Variants in ERCC6L2 observed in about 807,000 individuals in gnomAD.
The protein encoded by ERCC6L2 is ERCC excision repair 6 like 2, also known as DNA excision repair protein ERCC-6-like 2.
A neutral mutation model predicts 132.0 loss-of-function variants in ERCC6L2; 77 were observed. The observed-to-expected ratio is 0.58, with a 90% CI of 0.49 to 0.71. ERCC6L2 has a LOEUF of 0.71. Among genes scored for constraint, ERCC6L2 ranks in the 30% least tolerant of loss-of-function variants. ERCC6L2 has a pLI of 0.00. For missense variants in ERCC6L2, 1,542 were observed against 1,837.6 expected, an observed-to-expected ratio of 0.84 and a Z score of 2.94; for synonymous variants, 583 against 632.4, an observed-to-expected ratio of 0.92 and a Z score of 1.17.
At position 95,921,233 on chromosome 9, in the gene ERCC6L2, C is replaced by G. The variant is rs1829855430; in HGVS notation, c.1217C>G (p.Thr406Arg). ...GCTGTCTATCAAACAGTGTTAGAAACAGAGGACGTGACTTTGATACTTCAA... is the reference window on the plus strand; with the variant it reads ...GCTGTCTATCAAACAGTGTTAGAAAGAGAGGACGTGACTTTGATACTTCAA... The part of the protein sequence containing the change: ...QKAVYQTVLE[T>R]EDVTLILQSS... Residue 406 changes from threonine (T) to arginine (R), a missense_variant, in exon 7 of 19, where the codon ACA (threonine) becomes AGA (arginine). Around this residue, in one of 4 missense-constraint regions of ERCC6L2, gnomAD observed 945 missense variants for 1,105.2 expected, o/e 0.86. Transcript: ENST00000653738. 6 of 1,613,368 alleles carry G rather than the reference C, an allele frequency of 3.7e-6. No individual in the cohort carries two copies. Among genetic ancestry groups the G allele is most frequent in the African/African-American group, 2.7e-5 (2 of 75,026 alleles).
chr9:95,902,032 T>C (rs1202086219), intron 3 of ERCC6L2, among the ~76,000 whole-genome samples: 1 of 152,176 alleles, frequency 6.6e-6, no homozygotes, highest in Non-Finnish European at 1.5e-5. Context: ...TTGAAGCTTG[T>C]TGAAGAAAGC....
chr9:96,039,150 G>A (rs1000707118), intron 20 of ERCC6L2, among the ~76,000 whole-genome samples: 1 of 152,224 alleles, frequency 6.6e-6, no homozygotes, highest in African/African-American at 2.4e-5. Context: ...GTGCTTGTCG[G>A]CTTAAGCTGT....
intron 19 of ERCC6L2, among the ~76,000 whole-genome samples, chr9:96,038,087 A>G (rs1440937959): frequency 6.6e-6 from 1 of 152,118 alleles, no homozygotes; most frequent in Non-Finnish European, 1.5e-5. Flanking sequence ...GTTCTGCTGC[A>G]GAGTCAGGAG....
Position 96,010,242 on chromosome 9 carries a change from C to T in ERCC6L2, c.3675-1983C>T, listed in dbSNP as rs372427311. Among the ~76,000 whole-genome samples, 87 of 152,142 alleles carry T rather than the reference C, an allele frequency of 5.7e-4. 1 individual carries two copies. Among genetic ancestry groups the T allele is most frequent in the Admixed American group, 7.8e-4 (12 of 15,294 alleles). On this transcript the variant is annotated intron_variant, in intron 18 of 18. Coordinates refer to ENST00000653738, the MANE Select transcript of ERCC6L2 (RefSeq NM_020207.7). ...TCAAGCATGTATAGTATCTGGATTT[C>T]GGGAAGTTAACAAGACAGTGTAGTG...
chr9:95,997,757 C>T (rs1326804463), intron 17 of ERCC6L2, among the ~76,000 whole-genome samples: 3 of 152,140 alleles, frequency 2.0e-5, no homozygotes, highest in Admixed American at 6.5e-5. Flanking sequence ...GCTGTTTCAT[C>T]GTGTTGCCAC....
At position 96,004,713 on chromosome 9, in the gene ERCC6L2, C is replaced by T. The variant is rs1284399309; in HGVS notation, c.3674+12C>T. 2 of 1,308,482 alleles carry T rather than the reference C, an allele frequency of 1.5e-6. No homozygotes were observed. The highest frequency in any genetic ancestry group is 2.0e-6 in the Non-Finnish European group (2 of 982,694). 81.1% of individuals were successfully genotyped at this position (1,308,482 alleles called of 1,614,324 possible). A position where few individuals can be genotyped will look rare whatever the true frequency, so the allele number is the denominator to read the frequency against. On this transcript the variant is annotated intron_variant, in intron 18 of 18. Transcript: ENST00000653738. ...AAAGGAATCCGCAGGTATATTGTCT[C>T]TGACAATACTATACTTGAAGAATAA...
chr9:96,036,820 G>A (rs1259631536), intron 19 of ERCC6L2, among the ~76,000 whole-genome samples: 1 of 145,438 alleles, frequency 6.9e-6, no homozygotes, highest in Admixed American at 6.9e-5. Context: ...AGGCTGGAGT[G>A]CAGTGGCGGG....
chr9:95,997,494 G>A (rs1448431871), intron 17 of ERCC6L2, among the ~76,000 whole-genome samples: 3 of 152,218 alleles, frequency 2.0e-5, no homozygotes, highest in Non-Finnish European at 2.9e-5. Context: ...TGTGAACATT[G>A]TTGAAATAGC....
intron 17 of ERCC6L2, among the ~76,000 whole-genome samples, chr9:96,000,752 A>G (rs1432455094): frequency 6.6e-6 from 1 of 152,184 alleles, no homozygotes; most frequent in East Asian, 1.9e-4. Context: ...ACCTATGCCA[A>G]TCTGGGCGAC....
Position 95,901,318 on chromosome 9 carries a change from T to G in ERCC6L2, c.594+3347T>G, listed in dbSNP as rs689627. On this transcript the variant is annotated intron_variant, in intron 3 of 18. Coordinates refer to ENST00000653738, the MANE Select transcript of ERCC6L2 (RefSeq NM_020207.7). ...AAGGACTTTTTTAATTGATGAAATT[T>G]GGAAATTTCCATGAGCCCTAACACT... Among the ~76,000 whole-genome samples the G allele has an allele frequency of 7.6e-3, 1,148 of 151,854 alleles. 23 individuals are homozygous for G. The highest frequency in any genetic ancestry group is 0.027 in the African/African-American group (1,115 of 41,376).
intron 17 of ERCC6L2, among the ~76,000 whole-genome samples, chr9:96,001,422 G>A (rs1833674138): frequency 6.6e-6 from 1 of 152,198 alleles, no homozygotes; most frequent in Admixed American, 6.5e-5. Context: ...GTCCCCATCA[G>A]ATTAGTTAGA....
intron 2 of ERCC6L2, among the ~76,000 whole-genome samples, chr9:95,891,977 T>A (rs1432912427): frequency 6.6e-6 from 1 of 152,208 alleles, no homozygotes; most frequent in Non-Finnish European, 1.5e-5. Context: ...AAATATTTTC[T>A]CTCATTCTAT....
chr9:95,909,527 T>C (rs561166633), intron 4 of ERCC6L2, among the ~76,000 whole-genome samples: 1 of 152,222 alleles, frequency 6.6e-6, no homozygotes, highest in African/African-American at 2.4e-5. Context: ...TTTAAGCTAT[T>C]ACGGAGCATG....
At chr9:95,876,414 C>A in intron 1 of ERCC6L2, 2 of 298,374 alleles carry the variant, frequency 6.7e-6, no homozygotes, top group Non-Finnish European at 1.2e-5. Context: ...ATTTATGTGA[C>A]CCCGCGTGTG....
chr9:95,972,227 T>C lies in ERCC6L2; in HGVS notation c.2476T>C (p.Cys826Arg). 6.1e-6 allele frequency: 8 copies of C among 1,304,242 alleles called. No homozygotes were observed. Among genetic ancestry groups the C allele is most frequent in the Non-Finnish European group, 8.1e-6 (8 of 988,928 alleles). 80.8% of individuals were successfully genotyped at this position (1,304,242 alleles called of 1,614,324 possible). A position where few individuals can be genotyped will look rare whatever the true frequency, so the allele number is the denominator to read the frequency against. The change falls in exon 16 of 19, where the codon TGC (cysteine) becomes CGC (arginine). Residue 826 changes from cysteine (C) to arginine (R), a missense_variant. Physicochemically the swap from Cys to Arg is radical, Grantham distance 180. Coordinates refer to ENST00000653738, the MANE Select transcript of ERCC6L2 (RefSeq NM_020207.7). ...TGAAAGTTCTGATGAGCAGCCCACA[T>C]GCCTTTCAACAGAAGCCAAAGATGC... The part of the protein sequence containing the change: ...DDESSDEQPT[C>R]LSTEAKDAGC...
At chr9:95,927,932 T>G (rs114172921) in intron 9 of ERCC6L2, 147 bp from the exon 10 acceptor site, 4 of 549,574 alleles carry the variant, frequency 7.3e-6, no homozygotes, top group Non-Finnish European at 1.3e-5. Context: ...TTTCTCTAAC[T>G]TGGAAAAAAT....
In ERCC6L2 at chr9:96,004,628, CAGA is replaced by C; in HGVS notation, c.3609_3611del (p.Lys1205del). On this transcript the variant is annotated inframe_deletion, in exon 18 of 19. Transcript: ENST00000653738. ...TCTTTACATTTCAAATCCTGTAAAC[CAGA>C]AGAAGAAAAAAGTCTACCATACAAA... is the stretch of plus-strand genomic sequence containing the variant. 2 of 1,327,120 alleles carry C rather than the reference CAGA, an allele frequency of 1.5e-6. No homozygotes were observed. The highest frequency in any genetic ancestry group is 1.2e-5 in the South Asian group (1 of 82,370). The allele number at this position is 1,327,120 out of a possible 1,614,324, so 82.2% of individuals were successfully genotyped here.
rs529918675 is a variant in ERCC6L2, at chr9:95,971,239, T to C, written c.2181+583T>C. Among the ~76,000 whole-genome samples the C allele has an allele frequency of 1.2e-4, 18 of 152,258 alleles. No homozygotes were observed. The South Asian group carries it at 3.5e-3, about 30-fold the overall frequency. On this transcript the variant is annotated intron_variant, in intron 15 of 18. Transcript: ENST00000653738. ...TTTATACCAGTCCAATGAGTTTAAATTGGGGATGAAATTTCTATAAATTTA... is the reference window on the plus strand; with the variant it reads ...TTTATACCAGTCCAATGAGTTTAAACTGGGGATGAAATTTCTATAAATTTA...
At chr9:96,027,174 ACACACCACACACCACACAT>A (rs1425111504) in intron 19 of ERCC6L2, among the ~76,000 whole-genome samples, 1 of 111,542 alleles carries the variant, frequency 9.0e-6, no homozygotes, top group Non-Finnish European at 1.9e-5. Flanking sequence ...CCACACACAC[ACACACCACACACCACACAT>A]CACACCACAG....
Sources: allele counts gnomAD v4.1 joint callset (sites outside exome capture counted in the v4.1 genomes callset), GRCh38; gene constraint gnomAD v4.1.1; regional missense constraint gnomAD v4.1.1; transcripts MANE v1.5; gene names NCBI Gene and HGNC (gene_info 2026-07-23, HGNC 2026-07-21).